Variants in CDK18 observed in about 807,000 individuals in gnomAD.
The protein encoded by CDK18 is cyclin dependent kinase 18.
CDK18 carries 52 observed loss-of-function variants against 62.0 expected under a neutral mutation model. That is an observed-to-expected ratio of 0.84 (90% CI 0.67 to 1.06). The LOEUF is 1.06. Among genes scored for constraint, CDK18 ranks in the 50% least tolerant of loss-of-function variants. CDK18 has a pLI of 0.00. For synonymous variants in CDK18, 237 were observed against 247.0 expected (o/e 0.96, Z 0.38); for missense variants, 604 against 619.9 (o/e 0.97, Z 0.27).
rs966152000 is a variant in CDK18 at position 205,529,581 on chromosome 1, G to A, written c.1221+18G>A. The A allele has an allele frequency of 2.5e-6, 4 of 1,613,452 alleles. No homozygotes were observed. Among genetic ancestry groups the A allele is most frequent in the Non-Finnish European group, 3.4e-6 (4 of 1,179,966 alleles). On this transcript the variant is annotated intron_variant, in intron 13 of 15. Transcript: ENST00000429964. ...TGCTCCTGGTGAGTGTCCTCCCGGC[G>A]GGGCCCAGGGAGAGGCAGCCAAAGA...
Position 205,528,890 on chromosome 1 carries a change from C to G in CDK18, c.975-109C>G. On this transcript the variant is annotated intron_variant, in intron 10 of 15. Transcript: ENST00000429964. This position sits in a 1 kb window ranked among gnomAD's most constrained non-coding sequence, Gnocchi z 4.2. ...GGCCACCCCTCCGCCGCCAGAGCCA[C>G]GATCCCTGCAGCCGCCTGTGGCAGG... 1.4e-6 allele frequency: 1 copy of G among 702,296 alleles called. No individual in the cohort carries two copies. Among genetic ancestry groups the G allele is most frequent in the Non-Finnish European group, 2.4e-6 (1 of 413,798 alleles). The allele number at this position is 702,296 out of a possible 1,614,324, so 43.5% of individuals were successfully genotyped here. A position where few individuals can be genotyped will look rare whatever the true frequency, so the allele number is the denominator to read the frequency against.
At chr1:205,525,711 G>C (rs1668388178) in intron 5 of CDK18, among the ~76,000 whole-genome samples, 1 of 152,184 alleles carries the variant, frequency 6.6e-6, no homozygotes, top group African/African-American at 2.4e-5. Flanking sequence ...CAGAGGCCTG[G>C]GGTGGGTGAA....
chr1:205,505,137 G>T (rs1209123502), intron 1 of CDK18, among the ~76,000 whole-genome samples: 1 of 152,160 alleles, frequency 6.6e-6, no homozygotes, highest in East Asian at 1.9e-4. Flanking sequence ...TGGCCCCTGG[G>T]CTCCCGTCTG....
At chr1:205,526,696 C>A in intron 7 of CDK18, 79 bp from the exon 8 acceptor site, 1 of 1,370,076 alleles carries the variant, frequency 7.3e-7, no homozygotes. Flanking sequence ...CAGGGAGGGG[C>A]TTCCTCTCCT....
intron 1 of CDK18, among the ~76,000 whole-genome samples, chr1:205,507,633 C>CAAAAAA (rs56313401): frequency 4.2e-5 from 3 of 72,198 alleles, no homozygotes; most frequent in Admixed American, 2.0e-4. Context: ...GACTCCGTCT[C>CAAAAAA]AAAAAAAAAA....
intron 1 of CDK18, 70 bp downstream of exon 1, chr1:205,504,866 A>G (rs1000545697): frequency 2.6e-5 from 4 of 152,330 alleles, no homozygotes; most frequent in Admixed American, 2.0e-4. Flanking sequence ...GGCGCCGGGT[A>G]TAAGGAGCAA....
rs778317762 is a variant in CDK18, at chr1:205,529,753, G to C, written c.1221+190G>C. 4.6e-6 allele frequency: 7 copies of C among 1,529,974 alleles called. No homozygotes were observed. In the South Asian group the frequency reaches 8.4e-5, roughly 18 times the overall value. The allele number at this position is 1,529,974 out of a possible 1,614,324, so 94.8% of individuals were successfully genotyped here. On this transcript the variant is annotated intron_variant, in intron 13 of 15. Coordinates refer to ENST00000429964, the MANE Select transcript of CDK18 (RefSeq NM_212502.3). ...ACATCCTCTGGAGTCTGTGCACTGC[G>C]AGCCCAAACCCGTTACTTAGCTGTG...
intron 14 of CDK18, 134 bp downstream of exon 14, chr1:205,530,483 C>T (rs41264893): frequency 0.17 from 205,735 of 1,199,342 alleles, 22,426 homozygotes; most frequent in South Asian, 0.38. Context: ...CTTGCCTCCC[C>T]TGCTGGGGTT....
chr1:205,526,524 G>C (rs1335994756), intron 7 of CDK18, 63 bp downstream of exon 7: 1 of 1,347,472 alleles, frequency 7.4e-7, no homozygotes, highest in African/African-American at 1.4e-5. Flanking sequence ...TGTGGGTAGG[G>C]GAGTGGGAAG....
At chr1:205,509,487 C>T (rs368895816) in intron 1 of CDK18, among the ~76,000 whole-genome samples, 2 of 152,152 alleles carry the variant, frequency 1.3e-5, no homozygotes, top group Non-Finnish European at 2.9e-5. Flanking sequence ...CTGCCTCTTC[C>T]ACTCAGTAAC....
At chr1:205,530,139 C>A in intron 13 of CDK18, 120 bp from the exon 14 acceptor site, 1 of 1,519,336 alleles carries the variant, frequency 6.6e-7, no homozygotes, top group South Asian at 1.2e-5. Context: ...TGACCTGGGG[C>A]TTCTCCTGTT....
At chr1:205,524,691 C>T (rs1169473999) in intron 4 of CDK18, among the ~76,000 whole-genome samples, 1 of 152,238 alleles carries the variant, frequency 6.6e-6, no homozygotes, top group Non-Finnish European at 1.5e-5. Context: ...ACAGACTCTA[C>T]CTCCAGACAC....
intron 1 of CDK18, among the ~76,000 whole-genome samples, chr1:205,513,461 G>A (rs1311790571): frequency 6.6e-6 from 1 of 152,168 alleles, no homozygotes; most frequent in Non-Finnish European, 1.5e-5. Flanking sequence ...CTTTAGCTGG[G>A]CCCCCAAAAA....
At chr1:205,511,525 T>C (rs1056276914) in intron 1 of CDK18, among the ~76,000 whole-genome samples, 6 of 152,254 alleles carry the variant, frequency 3.9e-5, no homozygotes, top group Admixed American at 6.5e-5. Flanking sequence ...TTTCTTCTTA[T>C]GTAAGCAATA....
intron 13 of CDK18, chr1:205,529,857 G>C: frequency 7.5e-7 from 1 of 1,341,772 alleles, no homozygotes; most frequent in Non-Finnish European, 9.9e-7. Context: ...TATTTTATAA[G>C]ATGGCCGTGA....
intron 14 of CDK18, 95 bp from the exon 15 acceptor site, chr1:205,530,533 G>C: frequency 7.9e-7 from 1 of 1,262,210 alleles, no homozygotes; most frequent in African/African-American, 1.5e-5. Context: ...GAAATGAGAC[G>C]CTGCCTCGAG....
At chr1:205,513,786 A>G (rs999475493) in intron 1 of CDK18, among the ~76,000 whole-genome samples, 3 of 152,176 alleles carry the variant, frequency 2.0e-5, no homozygotes, top group Non-Finnish European at 4.4e-5. Flanking sequence ...TGCAGGAGGA[A>G]CTTCTCATTC....
rs200771919 is a variant in CDK18 at position 205,529,575 on chromosome 1, C to T, written c.1221+12C>T. 6.2e-6 allele frequency: 10 copies of T among 1,613,570 alleles called. No homozygotes were observed. The highest frequency in any genetic ancestry group is 7.6e-6 in the Non-Finnish European group (9 of 1,179,944). On this transcript the variant is annotated intron_variant, in intron 13 of 15. Transcript: ENST00000429964. ...GCAGCCTGCTCCTGGTGAGTGTCCT[C>T]CCGGCGGGGCCCAGGGAGAGGCAGC...
chr1:205,521,055 C>G (rs1032187066), intron 1 of CDK18, among the ~76,000 whole-genome samples: 10 of 152,164 alleles, frequency 6.6e-5, no homozygotes, highest in African/African-American at 2.4e-4. Context: ...GGCTGGTGGG[C>G]TCTGCCAAGG....
Sources: allele counts gnomAD v4.1 joint callset (sites outside exome capture counted in the v4.1 genomes callset), GRCh38; gene constraint gnomAD v4.1.1; non-coding constraint Gnocchi (gnomAD v3.1); transcripts MANE v1.5; gene names NCBI Gene and HGNC (gene_info 2026-07-23, HGNC 2026-07-21).